The following RNLS variants were observed in gnomAD, a reference collection of about 807,000 sequenced individuals.
RNLS encodes the protein renalase, FAD dependent amine oxidase, also known as renalase.
In RNLS, 39 loss-of-function variants were observed where a neutral mutation model predicts 39.8. That is an observed-to-expected ratio of 0.98 (90% CI 0.76 to 1.28). RNLS has a LOEUF of 1.28. RNLS is among the 50% of genes most tolerant of loss of function. The probability of loss-of-function intolerance (pLI) is 0.00; values close to 1 mark genes in which losing one functional copy is unlikely to be tolerated. For missense variants in RNLS, 410 were observed against 413.3 expected (o/e 0.99, Z 0.07); for synonymous variants, 147 against 150.7 (o/e 0.98, Z 0.18).
chr10:88,229,993 C>T, the RNLS span, among the ~76,000 whole-genome samples: 1 of 152,072 alleles, frequency 6.6e-6, no homozygotes, highest in Non-Finnish European at 1.5e-5. Context: ...CTAATACAAT[C>T]CCTGGAAAGC....
intron 6 of RNLS, among the ~76,000 whole-genome samples, chr10:88,297,653 A>G (rs1844186789): frequency 6.6e-6 from 1 of 152,188 alleles, no homozygotes; most frequent in African/African-American, 2.4e-5. Context: ...CATTCATGTT[A>G]TAGCATGTAT....
chr10:88,281,609 C>T (rs1200744497), downstream of RNLS, among the ~76,000 whole-genome samples: 1 of 152,076 alleles, frequency 6.6e-6, no homozygotes, highest in African/African-American at 2.4e-5. Context: ...CCATACAAGT[C>T]ATGTTTTAGT....
At chr10:88,239,171 G>C in the RNLS span, among the ~76,000 whole-genome samples, 10 of 152,126 alleles carry the variant, frequency 6.6e-5, no homozygotes, top group Admixed American at 2.0e-4. Flanking sequence ...TGCTCTGTAT[G>C]AATCTGTTTT....
chr10:88,506,898 G>T (rs193279904), intron 4 of RNLS, among the ~76,000 whole-genome samples: 1 of 152,124 alleles, frequency 6.6e-6, no homozygotes, highest in African/African-American at 2.4e-5. Flanking sequence ...AGGTAACGGG[G>T]TTGGTCACTT....
chr10:88,415,784 G>T (rs1329415377), intron 4 of RNLS, among the ~76,000 whole-genome samples: 1 of 152,162 alleles, frequency 6.6e-6, no homozygotes, highest in African/African-American at 2.4e-5. Context: ...GTCTGTTCTT[G>T]CTCCCAGACT....
At chr10:88,564,765 T>C (rs1449623791) in intron 4 of RNLS, among the ~76,000 whole-genome samples, 1 of 151,936 alleles carries the variant, frequency 6.6e-6, no homozygotes, top group African/African-American at 2.4e-5. Flanking sequence ...CATAAGAGGG[T>C]CACAATATGA....
the RNLS span, among the ~76,000 whole-genome samples, chr10:88,196,800 A>G: frequency 6.6e-6 from 1 of 152,194 alleles, no homozygotes; most frequent in Non-Finnish European, 1.5e-5. Context: ...CCACTGAAGT[A>G]TTACTTGTTA....
chr10:88,246,675 A>G, the RNLS span, among the ~76,000 whole-genome samples: 2 of 152,202 alleles, frequency 1.3e-5, no homozygotes, highest in South Asian at 4.2e-4. Flanking sequence ...TCACGGCTAG[A>G]ATTTTGGAAG....
intron 6 of RNLS, among the ~76,000 whole-genome samples, chr10:88,291,602 T>C (rs908734470): frequency 1.3e-5 from 2 of 152,182 alleles, no homozygotes; most frequent in East Asian, 1.9e-4. Context: ...CACCAGTCAA[T>C]TGGAGTTGGC....
In RNLS at chr10:88,284,216, A is replaced by C; in HGVS notation, c.*1138T>G. 1.0e-6 allele frequency: 1 copy of C among 985,310 alleles called. No individual in the cohort carries two copies. Among genetic ancestry groups the C allele is most frequent in the Non-Finnish European group, 1.2e-6 (1 of 829,846 alleles). The allele number at this position is 985,310 out of a possible 1,614,324, so 61.0% of individuals were successfully genotyped here. A position where few individuals can be genotyped will look rare whatever the true frequency, so the allele number is the denominator to read the frequency against. ...AAGCAAGTTCTGCCTGTGCCTGTGT[A>C]TGTGTATGTATGACAGTGGACATGT... On this transcript the variant is annotated 3_prime_UTR_variant, in exon 7 of 7. Coordinates refer to ENST00000331772, the MANE Select transcript of RNLS (RefSeq NM_001031709.3).
chr10:88,562,398 G>A (rs920892747), intron 4 of RNLS, among the ~76,000 whole-genome samples: 2 of 152,140 alleles, frequency 1.3e-5, no homozygotes, highest in African/African-American at 4.8e-5. Context: ...AAATAATGTT[G>A]AGTAAATAAG....
At chr10:88,245,503 G>A in the RNLS span, among the ~76,000 whole-genome samples, 2 of 152,144 alleles carry the variant, frequency 1.3e-5, no homozygotes, top group African/African-American at 4.8e-5. Context: ...CATGCTGCAT[G>A]TGTGCAGGAG....
chr10:88,222,588 G>A, the RNLS span, among the ~76,000 whole-genome samples: 2 of 152,048 alleles, frequency 1.3e-5, no homozygotes, highest in African/African-American at 2.4e-5. Flanking sequence ...AGACCTCCCG[G>A]AATATTGCTT....
chr10:88,548,014 C>G (rs1848403400), intron 4 of RNLS, among the ~76,000 whole-genome samples: 1 of 151,900 alleles, frequency 6.6e-6, no homozygotes, highest in Non-Finnish European at 1.5e-5. Context: ...GTAATCCCAG[C>G]ACTTTGGGAG....
At chr10:88,208,847 A>G in the RNLS span, among the ~76,000 whole-genome samples, 3 of 152,102 alleles carry the variant, frequency 2.0e-5, no homozygotes, top group African/African-American at 4.8e-5. Flanking sequence ...TTTCATTGTT[A>G]TTATTATTTT....
intron 4 of RNLS, among the ~76,000 whole-genome samples, chr10:88,395,233 G>T (rs1190577207): frequency 1.2e-5 from 1 of 86,694 alleles, no homozygotes; most frequent in East Asian, 2.7e-4. Context: ...AACTTTAAAA[G>T]ATGAAAAAAA....
At chr10:88,463,696 G>C (rs1456863842) in intron 4 of RNLS, among the ~76,000 whole-genome samples, 1 of 151,872 alleles carries the variant, frequency 6.6e-6, no homozygotes, top group African/African-American at 2.4e-5. Context: ...AGTAACTCAG[G>C]GCATTCAAAC....
At chr10:88,451,695 C>A (rs1325022273) in intron 4 of RNLS, among the ~76,000 whole-genome samples, 1 of 152,128 alleles carries the variant, frequency 6.6e-6, no homozygotes, top group Non-Finnish European at 1.5e-5. Context: ...CTGTAGGTAG[C>A]ACTGAATCAA....
At chr10:88,259,802 G>A in the RNLS span, among the ~76,000 whole-genome samples, 3 of 152,122 alleles carry the variant, frequency 2.0e-5, no homozygotes, top group African/African-American at 7.2e-5. Context: ...GGAGTGCAGT[G>A]GCGTGATCGT....
Sources: allele counts gnomAD v4.1 joint callset (sites outside exome capture counted in the v4.1 genomes callset), GRCh38; gene constraint gnomAD v4.1.1; transcripts MANE v1.5; gene names NCBI Gene and HGNC (gene_info 2026-07-23, HGNC 2026-07-21).